Variants in TNNI3K observed in about 807,000 individuals in gnomAD.
TNNI3K encodes the protein serine/threonine-protein kinase TNNI3K.
A neutral mutation model predicts 114.5 loss-of-function variants in TNNI3K; 140 were observed. The ratio of observed to expected loss-of-function variants is 1.22; its 90% CI spans 1.07 to 1.41. TNNI3K has a LOEUF of 1.41. Ranked by LOEUF, TNNI3K falls within the 40% of genes most tolerant of loss-of-function variation. The pLI, the probability that TNNI3K is intolerant of heterozygous loss-of-function variation, is 0.00. For synonymous variants in TNNI3K, 347 were observed against 347.5 expected, an observed-to-expected ratio of 1.00 and a Z score of 0.02; for missense variants, 1,125 against 1,007.6, an observed-to-expected ratio of 1.12 and a Z score of -1.58.
At chr1:74,462,896 G>A (rs1289234379) in intron 20 of TNNI3K, among the ~76,000 whole-genome samples, 1 of 152,086 alleles carries the variant, frequency 6.6e-6, no homozygotes, top group Admixed American at 6.5e-5. Flanking sequence ...GTCCAACAGA[G>A]TTTTAAAAAT....
rs1646388103 is a variant in TNNI3K, at chr1:74,518,873, C to CTTTTTTTTTTTTTTTTTTTT, written c.2352-21361_2352-21360insTTTTTTTTTTTTTTTTTTTT. ...TTTTATTTTATTTTATTTTTTTTCC[C>CTTTTTTTTTTTTTTTTTTTT]CTTTTTTTTTTTTTTTTTTTTATTA... On this transcript the variant is annotated intron_variant, in intron 23 of 24. Coordinates refer to ENST00000326637, the MANE Select transcript of TNNI3K (RefSeq NM_015978.3). Among the ~76,000 whole-genome samples the CTTTTTTTTTTTTTTTTTTTT allele has an allele frequency of 2.0e-5, 2 of 100,358 alleles. 1 individual carries two copies. 65.8% of individuals were successfully genotyped at this position (100,358 alleles called of 152,430 possible).
intron 20 of TNNI3K, among the ~76,000 whole-genome samples, chr1:74,454,425 G>A (rs901987829): frequency 6.6e-6 from 1 of 151,920 alleles, no homozygotes; most frequent in Non-Finnish European, 1.5e-5. Context: ...ATCTCCATGA[G>A]TTCATTTTTA....
In TNNI3K at chr1:74,331,519, C is replaced by G. The variant is rs1489137305; in HGVS notation, c.514C>G (p.His172Asp). 6.2e-7 allele frequency: 1 copy of G among 1,613,570 alleles called. No individual in the cohort carries two copies. The highest frequency in any genetic ancestry group is 8.5e-7 in the Non-Finnish European group (1 of 1,179,728). The change falls in exon 6 of 25, where the codon CAT becomes GAT. Residue 172 changes from histidine (H) to aspartate (D), a missense_variant. Coordinates refer to ENST00000326637, the MANE Select transcript of TNNI3K (RefSeq NM_015978.3). ...IQDAVFFTPL[H>D]IAAYYGHEQV... ...AGATGCAGTTTTTTTCACTCCATTG[C>G]ATATTGCAGCGTACTATGGACATGA... is the stretch of plus-strand genomic sequence containing the variant.
chr1:74,491,659 A>G (rs1669084716), intron 22 of TNNI3K, among the ~76,000 whole-genome samples: 1 of 152,234 alleles, frequency 6.6e-6, no homozygotes, highest in Non-Finnish European at 1.5e-5. Context: ...AAATTGATGT[A>G]TTCTTGGAAA....
At chr1:74,355,101 A>G (rs1661580753) in intron 11 of TNNI3K, among the ~76,000 whole-genome samples, 1 of 152,180 alleles carries the variant, frequency 6.6e-6, no homozygotes, top group Non-Finnish European at 1.5e-5. Flanking sequence ...ATAATTGAAT[A>G]CTATAAAAAA....
Position 74,271,662 on chromosome 1 carries a change from G to T in TNNI3K, c.398G>T (p.Gly133Val), listed in dbSNP as rs149047059. Residue 133 changes from glycine to valine, a missense_variant, in exon 5 of 25, where the codon GGT becomes GTT. Transcript: ENST00000326637. ...SGADIQQVGY[G>V]GLTALHIATI... ...GCTGATATACAGCAGGTTGGATACG[G>T]TGGCCTCACTGCCCTCCATATTGCT... 63 of 1,609,406 alleles carry T rather than the reference G, an allele frequency of 3.9e-5. No individual in the cohort carries two copies. In the African/African-American group the frequency reaches 6.8e-4, roughly 17 times the overall value.
intron 23 of TNNI3K, among the ~76,000 whole-genome samples, chr1:74,510,018 C>G (rs1670104701): frequency 6.6e-6 from 1 of 151,830 alleles, no homozygotes; most frequent in Admixed American, 6.6e-5. Context: ...AAGGTGTGAG[C>G]CTATGCGCCC....
intron 5 of TNNI3K, among the ~76,000 whole-genome samples, chr1:74,314,640 A>G (rs1245761344): frequency 2.6e-5 from 4 of 152,180 alleles, no homozygotes; most frequent in Admixed American, 6.5e-5. Flanking sequence ...TGGGTTGCAC[A>G]ACTTGATGTC....
chr1:74,484,932 G>T (rs1320712107), intron 21 of TNNI3K, among the ~76,000 whole-genome samples: 1 of 152,170 alleles, frequency 6.6e-6, no homozygotes, highest in Admixed American at 6.5e-5. Flanking sequence ...GGCAATTGTA[G>T]TAATACAAGG....
chr1:74,326,736 A>T (rs932693573), intron 5 of TNNI3K, among the ~76,000 whole-genome samples: 7 of 152,180 alleles, frequency 4.6e-5, no homozygotes, highest in South Asian at 2.1e-4. Flanking sequence ...CTTTTCATGG[A>T]GAACATGAGA....
chr1:74,440,857 A>T (rs1179483534), intron 20 of TNNI3K, among the ~76,000 whole-genome samples: 1 of 152,066 alleles, frequency 6.6e-6, no homozygotes, highest in South Asian at 2.1e-4. Context: ...GATAAGATTG[A>T]TGGATATACA....
chr1:74,479,515 G>A (rs1365598558), intron 21 of TNNI3K, among the ~76,000 whole-genome samples: 1 of 152,192 alleles, frequency 6.6e-6, no homozygotes, highest in Non-Finnish European at 1.5e-5. Flanking sequence ...GCACAGAGAA[G>A]TTAGATAATG....
intron 5 of TNNI3K, among the ~76,000 whole-genome samples, chr1:74,289,854 C>A (rs1434373298): frequency 6.6e-6 from 1 of 151,818 alleles, no homozygotes; most frequent in South Asian, 2.1e-4. Context: ...ACCGATAATA[C>A]TAAGAAGGGC....
chr1:74,382,158 C>T (rs1220348065), intron 17 of TNNI3K, among the ~76,000 whole-genome samples: 13 of 152,184 alleles, frequency 8.5e-5, no homozygotes, highest in Admixed American at 7.2e-4. Flanking sequence ...AAGAATTCAT[C>T]CTATCACACC....
At position 74,480,829 on chromosome 1, in the gene TNNI3K, G is replaced by A. The variant is rs1047773144; in HGVS notation, c.2122-8360G>A. 1.2e-4 allele frequency: 86 copies of A among 717,522 alleles called. No homozygotes were observed. In the East Asian group the frequency reaches 1.9e-3, roughly 16 times the overall value. The allele number at this position is 717,522 out of a possible 1,614,324, so 44.4% of individuals were successfully genotyped here. On this transcript the variant is annotated intron_variant, in intron 21 of 24. Coordinates refer to ENST00000326637, the MANE Select transcript of TNNI3K (RefSeq NM_015978.3). ...TCCGCAACATCGTAAGCCCATGCAGGGCATCTTCCTGAACATCCTCGATAC... is the reference window on the plus strand; with the variant it reads ...TCCGCAACATCGTAAGCCCATGCAGAGCATCTTCCTGAACATCCTCGATAC...
At chr1:74,418,521 A>G (rs1439792134) in intron 17 of TNNI3K, among the ~76,000 whole-genome samples, 1 of 152,120 alleles carries the variant, frequency 6.6e-6, no homozygotes, top group Non-Finnish European at 1.5e-5. Context: ...GAATTTTATT[A>G]TAGTCCAATG....
intron 20 of TNNI3K, among the ~76,000 whole-genome samples, chr1:74,445,705 G>A (rs1193433081): frequency 6.7e-6 from 1 of 149,226 alleles, no homozygotes; most frequent in African/African-American, 2.5e-5. Context: ...CCGCCTCCCG[G>A]GTTCATGCCA....
chr1:74,483,632 A>C (rs750816342), intron 21 of TNNI3K, among the ~76,000 whole-genome samples: 14 of 152,318 alleles, frequency 9.2e-5, no homozygotes, highest in Non-Finnish European at 1.9e-4. Flanking sequence ...AAATTAAGTT[A>C]CTTTGCAAAA....
intron 17 of TNNI3K, among the ~76,000 whole-genome samples, chr1:74,413,016 G>A (rs929093264): frequency 6.6e-6 from 1 of 152,166 alleles, no homozygotes; most frequent in Non-Finnish European, 1.5e-5. Context: ...TAGTCATTGT[G>A]GGTAGAAAAG....
Sources: gnomAD v4.1 joint callset for allele counts (sites outside exome capture counted in the v4.1 genomes callset) on GRCh38, gnomAD v4.1.1 for gene constraint, MANE v1.5 for transcripts, NCBI Gene and HGNC (gene_info 2026-07-23, HGNC 2026-07-21) for gene names.